The following MIB2 variants were observed in gnomAD, a reference collection of about 807,000 sequenced individuals.
MIB2 encodes the protein MIB E3 ubiquitin protein ligase 2.
MIB2 carries 78 observed loss-of-function variants against 96.6 expected under a neutral mutation model. The observed-to-expected ratio is 0.81, with a 90% CI of 0.67 to 0.97. MIB2 has a LOEUF of 0.97. Among genes scored for constraint, MIB2 ranks in the 50% least tolerant of loss-of-function variants. The probability of loss-of-function intolerance (pLI) is 0.00; values close to 1 mark genes in which losing one functional copy is unlikely to be tolerated. For synonymous variants in MIB2, 820 were observed against 629.5 expected, an observed-to-expected ratio of 1.30 and a Z score of -4.53; for missense variants, 1,543 against 1,424.0, an observed-to-expected ratio of 1.08 and a Z score of -1.35.
chr1:1,620,756 T>G (rs1404508407), intron 2 of MIB2, among the ~76,000 whole-genome samples: 1 of 152,230 alleles, frequency 6.6e-6, no homozygotes, highest in Non-Finnish European at 1.5e-5. Context: ...GGTCAGTTTG[T>G]GGATCCTGGG....
intron 2 of MIB2, chr1:1,616,860 C>T: frequency 4.5e-6 from 2 of 439,820 alleles, no homozygotes; most frequent in Non-Finnish European, 8.1e-6. Flanking sequence ...GCAGGAGCGC[C>T]GGCAAGCCTG....
At chr1:1,630,136 A>C (rs1349944938) in intron 19 of MIB2, among the ~76,000 whole-genome samples, 156 bp from the exon 20 acceptor site, 29 of 90,724 alleles carry the variant, frequency 3.2e-4, no homozygotes, top group African/African-American at 3.6e-4. Flanking sequence ...CCCGGGCCCC[A>C]CCTCTGCCTC....
Position 1,616,503 on chromosome 1 carries a change from C to T in MIB2, c.-129-5C>T. On this transcript the variant is annotated splice_polypyrimidine_tract_variant and splice_region_variant and intron_variant, in intron 1 of 19. Coordinates refer to ENST00000355826, the MANE Select transcript of MIB2 (RefSeq NM_001170687.4). Reference sequence around the variant, plus strand: ...GTGCATCTTGGCATCTCCCCTCGGCCACAGGGTTGGAAGCCCAGCGAGGCT... The same window carrying T: ...GTGCATCTTGGCATCTCCCCTCGGCTACAGGGTTGGAAGCCCAGCGAGGCT... The T allele has an allele frequency of 6.4e-7, 1 of 1,573,162 alleles. No individual in the cohort carries two copies. The highest frequency in any genetic ancestry group is 8.6e-7 in the Non-Finnish European group (1 of 1,160,270).
rs771297205 is a variant in MIB2, at chr1:1,630,538, C to T, written c.*8C>T. On this transcript the variant is annotated 3_prime_UTR_variant, in exon 20 of 20. Coordinates refer to ENST00000355826, the MANE Select transcript of MIB2 (RefSeq NM_001170687.4). ...ATCCAGATCTTCGTGTGAGCCGCGC[C>T]GTCCGCCGCGCCCGAGCTGCCTTCG... 15 of 1,552,808 alleles carry T rather than the reference C, an allele frequency of 9.7e-6. No homozygotes were observed. The highest frequency in any genetic ancestry group is 5.6e-5 in the African/African-American group (4 of 71,956).
chr1:1,628,985 G>A lies in MIB2; in HGVS notation c.2203-148G>A. Reference sequence around the variant, plus strand: ...GCTCACCTAGCAGGGCGCCCCTCCTGCCTGTCCCACTTGGGTTCCGGAAGA... The same window carrying A: ...GCTCACCTAGCAGGGCGCCCCTCCTACCTGTCCCACTTGGGTTCCGGAAGA... On this transcript the variant is annotated intron_variant, in intron 16 of 19. Transcript: ENST00000355826. 3.3e-6 allele frequency: 3 copies of A among 911,866 alleles called. No homozygotes were observed. The South Asian group carries it at 5.8e-5, about 18-fold the overall frequency. The allele number at this position is 911,866 out of a possible 1,614,324, so 56.5% of individuals were successfully genotyped here.
chr1:1,627,062 C>T lies in MIB2; in HGVS notation c.1241-12C>T, dbSNP rs1042168881. Reference sequence around the variant, plus strand: ...TGCCCCTGGCCACCACTAACCTCAGCCCTGCCCCCAGGCTCACTGAGCGTG... The same window carrying T: ...TGCCCCTGGCCACCACTAACCTCAGTCCTGCCCCCAGGCTCACTGAGCGTG... On this transcript the variant is annotated splice_polypyrimidine_tract_variant and intron_variant, in intron 10 of 19. Coordinates refer to ENST00000355826, the MANE Select transcript of MIB2 (RefSeq NM_001170687.4). The T allele has an allele frequency of 5.6e-6, 9 of 1,600,418 alleles. No homozygotes were observed. Among genetic ancestry groups the T allele is most frequent in the East Asian group, 2.3e-5 (1 of 44,288 alleles).
Position 1,626,928 on chromosome 1 carries a change from C to A in MIB2, c.1169C>A (p.Ser390Tyr), listed in dbSNP as rs1330710852. The change falls in exon 10 of 20, where the codon TCC becomes TAC. Residue 390 changes from serine (S) to tyrosine (Y), a missense_variant. Coordinates refer to ENST00000355826, the MANE Select transcript of MIB2 (RefSeq NM_001170687.4). This position sits in a 1 kb window ranked among gnomAD's most constrained non-coding sequence, Gnocchi z 5.3. ...GGTCAGCGGTGGACCTTCAGCCCCTCCTGCCTGGTGGCCTACCGGCCCGAG... is the reference window on the plus strand; with the variant it reads ...GGTCAGCGGTGGACCTTCAGCCCCTACTGCCTGGTGGCCTACCGGCCCGAG... ...VAGQRWTFSP[S>Y]CLVAYRPEED... The A allele has an allele frequency of 6.2e-7, 1 of 1,610,402 alleles. No homozygotes were observed. Among genetic ancestry groups the A allele is most frequent in the South Asian group, 1.1e-5 (1 of 90,922 alleles).
rs148874530 is a variant in MIB2, at chr1:1,625,189, T to G, written c.721+4T>G. The G allele has an allele frequency of 1.0e-3, 1,620 of 1,607,900 alleles. 15 individuals are homozygous for G. In the African/African-American group the frequency reaches 0.019, roughly 19 times the overall value. ...AAGGACCACCTCCCAAGGCTCGGTA[T>G]GAGGCTGTCACACTGACTCCATCAG... On this transcript the variant is annotated splice_donor_region_variant and intron_variant, in intron 6 of 19. Transcript: ENST00000355826. The surrounding 1 kb of genome is among the most constrained non-coding windows in gnomAD (Gnocchi z 5.0).
rs1644685790 is a variant in MIB2, at chr1:1,625,636, C to G, written c.955C>G (p.Pro319Ala). The change falls in exon 8 of 20, where the codon CCC becomes GCC. Residue 319 changes from proline (P) to alanine (A), a missense_variant. Physicochemically the swap from Pro to Ala is conservative, Grantham distance 27. Transcript: ENST00000355826. The surrounding 1 kb of genome is among the most constrained non-coding windows in gnomAD (Gnocchi z 5.0). ...FNHETRWTFH[P>A]GALTKHHSFW... ...CCACGAGACGCGCTGGACCTTCCACCCCGGGGCGCTCACCAAGGTGCCGGG... is the reference window on the plus strand; with the variant it reads ...CCACGAGACGCGCTGGACCTTCCACGCCGGGGCGCTCACCAAGGTGCCGGG... 2 of 1,562,810 alleles carry G rather than the reference C, an allele frequency of 1.3e-6. No homozygotes were observed. Among genetic ancestry groups the G allele is most frequent in the Non-Finnish European group, 1.7e-6 (2 of 1,153,828 alleles).
At position 1,629,289 on chromosome 1, in the gene MIB2, C is replaced by A; in HGVS notation, c.2359C>A (p.Gln787Lys). The A allele has an allele frequency of 2.0e-6, 3 of 1,517,636 alleles. No individual in the cohort carries two copies. The highest frequency in any genetic ancestry group is 1.3e-5 in the South Asian group (1 of 79,484). The allele number at this position is 1,517,636 out of a possible 1,614,324, so 94.0% of individuals were successfully genotyped here. ...CGAGGGTCGCGTGCTCAAGGCCCTT[C>A]AGGGCTGCGCCCAGCGCTTCCGGTG... The part of the protein sequence containing the change: ...AAEGRVLKAL[Q>K]GCAQRFRERQ... The change falls in exon 17 of 20, where the codon CAG becomes AAG. Residue 787 changes from glutamine to lysine, a missense_variant. Transcript: ENST00000355826.
chr1:1,629,327 G>A lies in MIB2; in HGVS notation c.2381+16G>A, dbSNP rs757961485. ...AGCGCTTCCGGTGAGTCCGTGGACG[G>A]CGGGGATGGGGTCCGGCGGCCTCCG... On this transcript the variant is annotated intron_variant, in intron 17 of 19. Coordinates refer to ENST00000355826, the MANE Select transcript of MIB2 (RefSeq NM_001170687.4). 32 of 1,468,100 alleles carry A rather than the reference G, an allele frequency of 2.2e-5. No homozygotes were observed. The African/African-American group carries it at 3.3e-4, about 15-fold the overall frequency. 90.9% of individuals were successfully genotyped at this position (1,468,100 alleles called of 1,614,324 possible). A position where few individuals can be genotyped will look rare whatever the true frequency, so the allele number is the denominator to read the frequency against.
Position 1,618,778 on chromosome 1 carries a change from G to A in MIB2, c.-23+2164G>A, listed in dbSNP as rs866701511. On this transcript the variant is annotated intron_variant, in intron 2 of 19. Coordinates refer to ENST00000355826, the MANE Select transcript of MIB2 (RefSeq NM_001170687.4). Reference sequence around the variant, plus strand: ...GAATGGGGCAGGCCCCTCGATGCTGGGCTGGATCCTCCCGCCCCTAAGCAG... The same window carrying A: ...GAATGGGGCAGGCCCCTCGATGCTGAGCTGGATCCTCCCGCCCCTAAGCAG... 6.8e-4 allele frequency: 104 copies of A among 152,328 alleles called. 1 individual carries two copies. The highest frequency in any genetic ancestry group is 2.5e-3 in the African/African-American group (104 of 41,470). The allele number at this position is 152,328 out of a possible 1,614,324, so 9.4% of individuals were successfully genotyped here. A position where few individuals can be genotyped will look rare whatever the true frequency, so the allele number is the denominator to read the frequency against.
Position 1,623,548 on chromosome 1 carries a change from C to T in MIB2, c.96C>T (p.Gly32=). 8.5e-6 allele frequency: 13 copies of T among 1,533,046 alleles called. No homozygotes were observed. Among genetic ancestry groups the T allele is most frequent in the East Asian group, 2.4e-5 (1 of 40,860 alleles). 95.0% of individuals were successfully genotyped at this position (1,533,046 alleles called of 1,614,324 possible). A position where few individuals can be genotyped will look rare whatever the true frequency, so the allele number is the denominator to read the frequency against. Residue 32 remains glycine (G), a synonymous_variant, in exon 3 of 20, where the codon GGC becomes GGT. Coordinates refer to ENST00000355826, the MANE Select transcript of MIB2 (RefSeq NM_001170687.4). ...KWGQQDGGEG[G]VGTVVELGRH... The stretch of plus-strand genomic sequence containing the variant: ...GCCAGCAGGACGGCGGCGAGGGCGG[C>T]GTGGGCACGGTGGTGGAGCTTGGCC...
Position 1,623,435 on chromosome 1 carries a change from C to A in MIB2, c.-18C>A, listed in dbSNP as rs779731452. ...CATGGACCCCTCTGCCCACAGGTCCCGAGCAGCCCCGCCCAACATGGACCC... is the reference window on the plus strand; with the variant it reads ...CATGGACCCCTCTGCCCACAGGTCCAGAGCAGCCCCGCCCAACATGGACCC... On this transcript the variant is annotated 5_prime_UTR_variant, in exon 3 of 20. Transcript: ENST00000355826. The A allele has an allele frequency of 4.8e-5, 77 of 1,601,978 alleles. No individual in the cohort carries two copies. In the South Asian group the frequency reaches 7.0e-4, roughly 15 times the overall value.
chr1:1,623,114 G>A (rs76837904), intron 2 of MIB2: 60 of 492,130 alleles, frequency 1.2e-4, no homozygotes, highest in African/African-American at 1.2e-3. Flanking sequence ...GGAAGAGATG[G>A]TGGTTTTCTT....
At chr1:1,619,671 C>T (rs1644076944) in intron 2 of MIB2, among the ~76,000 whole-genome samples, 1 of 152,204 alleles carries the variant, frequency 6.6e-6, no homozygotes. Context: ...ATCCCAGCCC[C>T]CGGGGAGAGG....
At chr1:1,622,139 A>AG (rs1491402131) in intron 2 of MIB2, among the ~76,000 whole-genome samples, 1 of 152,128 alleles carries the variant, frequency 6.6e-6, no homozygotes, top group East Asian at 1.9e-4. Flanking sequence ...ACCCAGTCTC[A>AG]GGGGTCCCTC....
chr1:1,615,223 G>C (rs1643475149), upstream of MIB2: 1 of 756,244 alleles, frequency 1.3e-6, no homozygotes, highest in Non-Finnish European at 2.0e-6. Context: ...CACTGGTGGA[G>C]TCGGAAAGAG....
Position 1,628,027 on chromosome 1 carries a change from C to A in MIB2, c.1689C>A (p.His563Gln). The change falls in exon 14 of 20, where the codon CAC (histidine) becomes CAA (glutamine). Residue 563 changes from histidine to glutamine, a missense_variant. Coordinates refer to ENST00000355826, the MANE Select transcript of MIB2 (RefSeq NM_001170687.4). ...TGACTCCGCCCCAGCAGGACGCCCA[C>A]TCGGACACGCCCCTGCACTCCGCCA... ...RGCDVNLPDA[H>Q]SDTPLHSAIS... 2 of 1,612,760 alleles carry A rather than the reference C, an allele frequency of 1.2e-6. No homozygotes were observed. Among genetic ancestry groups the A allele is most frequent in the South Asian group, 2.2e-5 (2 of 91,070 alleles).
Sources: allele counts gnomAD v4.1 joint callset (sites outside exome capture counted in the v4.1 genomes callset), GRCh38; gene constraint gnomAD v4.1.1; non-coding constraint Gnocchi (gnomAD v3.1); transcripts MANE v1.5; gene names NCBI Gene and HGNC (gene_info 2026-07-23, HGNC 2026-07-21).